The following KHDRBS2 variants were observed in gnomAD, a reference collection of about 807,000 sequenced individuals.
The protein encoded by KHDRBS2 is KH RNA binding domain containing, signal transduction associated 2.
In KHDRBS2, 26 loss-of-function variants were observed where a neutral mutation model predicts 44.3. The ratio of observed to expected loss-of-function variants is 0.59; its 90% CI spans 0.43 to 0.81. The LOEUF is 0.81. Ranked by LOEUF, KHDRBS2 falls within the 40% of genes least tolerant of loss-of-function variation. The pLI, the probability that KHDRBS2 is intolerant of heterozygous loss-of-function variation, is 0.00. For synonymous variants in KHDRBS2, 194 were observed against 151.1 expected (o/e 1.28, Z -2.08); for missense variants, 476 against 433.1 (o/e 1.10, Z -0.88).
At chr6:62,114,448 T>C (rs1478236784) in intron 2 of KHDRBS2, among the ~76,000 whole-genome samples, 1 of 152,120 alleles carries the variant, frequency 6.6e-6, no homozygotes, top group Non-Finnish European at 1.5e-5. Context: ...TTTCTGAGCC[T>C]ATATTTTTCT....
At chr6:62,140,964 A>G (rs1171105228) in intron 2 of KHDRBS2, among the ~76,000 whole-genome samples, 2 of 152,226 alleles carry the variant, frequency 1.3e-5, no homozygotes, top group Non-Finnish European at 2.9e-5. Flanking sequence ...TAAAAGTCAC[A>G]GTTTTGAAAG....
intron 4 of KHDRBS2, among the ~76,000 whole-genome samples, chr6:61,913,875 G>C (rs1806492123): frequency 6.6e-6 from 1 of 152,212 alleles, no homozygotes; most frequent in East Asian, 1.9e-4. Context: ...GAGGAACAGG[G>C]AGAATGCCAG....
intron 2 of KHDRBS2, among the ~76,000 whole-genome samples, chr6:62,052,105 T>C (rs1179670694): frequency 6.6e-6 from 1 of 151,976 alleles, no homozygotes; most frequent in Non-Finnish European, 1.5e-5. Flanking sequence ...AAAATAGAAC[T>C]ACTATATGAC....
intron 6 of KHDRBS2, among the ~76,000 whole-genome samples, chr6:61,812,016 A>G (rs1788203057): frequency 6.6e-6 from 1 of 152,080 alleles, no homozygotes; most frequent in Non-Finnish European, 1.5e-5. Context: ...AAGTTAATGA[A>G]GTTCATATCT....
chr6:62,097,484 A>G (rs780750958), intron 2 of KHDRBS2, among the ~76,000 whole-genome samples: 1 of 151,940 alleles, frequency 6.6e-6, no homozygotes, highest in East Asian at 1.9e-4. Context: ...TTGTAGAATG[A>G]CCTTGTCTCT....
chr6:61,969,531 C>T (rs1770867066), intron 4 of KHDRBS2, among the ~76,000 whole-genome samples: 1 of 151,954 alleles, frequency 6.6e-6, no homozygotes, highest in Non-Finnish European at 1.5e-5. Context: ...CTCATATACC[C>T]TTTATTTGTA....
At chr6:62,139,562 AT>A (rs61230859) in intron 2 of KHDRBS2, among the ~76,000 whole-genome samples, 91,539 of 130,772 alleles carry the variant, frequency 0.7, 30,930 homozygotes, top group African/African-American at 0.82. Context: ...CAAAAAAAAA[AT>A]AAAAAGAAAT....
At chr6:62,031,784 A>ACC (rs894713723) in intron 3 of KHDRBS2, among the ~76,000 whole-genome samples, 14 of 152,158 alleles carry the variant, frequency 9.2e-5, no homozygotes, top group Admixed American at 5.9e-4. Flanking sequence ...ATACTTCTGC[A>ACC]CCCACTTGGG....
At chr6:61,623,827 T>C in the KHDRBS2 span, among the ~76,000 whole-genome samples, 2 of 152,144 alleles carry the variant, frequency 1.3e-5, no homozygotes, top group East Asian at 1.9e-4. Context: ...GTTTGATATG[T>C]GGGAGTGAAC....
chr6:61,680,721 G>T lies in KHDRBS2; in HGVS notation c.*242C>A. On this transcript the variant is annotated 3_prime_UTR_variant, in exon 9 of 9. Coordinates refer to ENST00000281156, the MANE Select transcript of KHDRBS2 (RefSeq NM_152688.4). ...CCAAGAGAATATCATCCTACTGAAA[G>T]GTTTATAGACTATGCTTGCTAATGT... 3.2e-6 allele frequency: 1 copy of T among 317,228 alleles called. No homozygotes were observed. Among genetic ancestry groups the T allele is most frequent in the Non-Finnish European group, 5.7e-6 (1 of 174,444 alleles). 19.7% of individuals were successfully genotyped at this position (317,228 alleles called of 1,614,324 possible).
intron 4 of KHDRBS2, among the ~76,000 whole-genome samples, chr6:61,944,883 G>A (rs1279997236): frequency 6.6e-6 from 1 of 151,428 alleles, no homozygotes; most frequent in Admixed American, 6.6e-5. Flanking sequence ...CTGAGATCAG[G>A]AGCTCAAGAC....
At chr6:61,583,023 T>C in the KHDRBS2 span, among the ~76,000 whole-genome samples, 1 of 151,804 alleles carries the variant, frequency 6.6e-6, no homozygotes, top group South Asian at 2.1e-4. Context: ...TTGATCTATA[T>C]TCACTGATTG....
At chr6:61,697,961 CA>C (rs1768105290) in intron 7 of KHDRBS2, among the ~76,000 whole-genome samples, 1 of 152,100 alleles carries the variant, frequency 6.6e-6, no homozygotes. Flanking sequence ...CTGCCTCATC[CA>C]CATAATTCCT....
intron 6 of KHDRBS2, among the ~76,000 whole-genome samples, chr6:61,769,682 G>A (rs1780548555): frequency 6.6e-6 from 1 of 152,228 alleles, no homozygotes; most frequent in African/African-American, 2.4e-5. Flanking sequence ...AAACAAAGCG[G>A]CCAGGAAGCT....
chr6:61,726,950 A>G lies in KHDRBS2; in HGVS notation c.893+5732T>C, dbSNP rs554479294. Among the ~76,000 whole-genome samples, 175 of 152,318 alleles carry G rather than the reference A, an allele frequency of 1.1e-3. 1 individual carries two copies. The highest frequency in any genetic ancestry group is 6.8e-3 in the Middle Eastern group (2 of 294). Reference sequence around the variant, plus strand: ...TAAAATTCATATGGAACCAAAAAAGAGCCTGAATAGCCAAGAGAATCCTAA... The same window carrying G: ...TAAAATTCATATGGAACCAAAAAAGGGCCTGAATAGCCAAGAGAATCCTAA... On this transcript the variant is annotated intron_variant, in intron 7 of 8. Transcript: ENST00000281156.
chr6:62,057,504 C>A (rs987364958), intron 2 of KHDRBS2, among the ~76,000 whole-genome samples: 1 of 151,914 alleles, frequency 6.6e-6, no homozygotes, highest in African/African-American at 2.4e-5. Flanking sequence ...ACTCAGTTCC[C>A]CTTCAAACAA....
chr6:61,918,452 G>C (rs1469953976), intron 4 of KHDRBS2, among the ~76,000 whole-genome samples: 3 of 151,872 alleles, frequency 2.0e-5, no homozygotes, highest in Admixed American at 6.6e-5. Context: ...TTAGGAAGGG[G>C]ACCCTCATGA....
chr6:61,843,524 C>T (rs1156531022), intron 6 of KHDRBS2, among the ~76,000 whole-genome samples: 3 of 151,706 alleles, frequency 2.0e-5, no homozygotes, highest in Non-Finnish European at 4.4e-5. Context: ...ACCCCCACAC[C>T]TGGCTAATTT....
At chr6:61,899,733 G>GCCA (rs1554263630) in intron 5 of KHDRBS2, among the ~76,000 whole-genome samples, 1 of 123,150 alleles carries the variant, frequency 8.1e-6, no homozygotes, top group African/African-American at 2.9e-5. Flanking sequence ...TTGTTTTAAT[G>GCCA]CCCCCCCCCC....
Sources: allele counts gnomAD v4.1 joint callset (sites outside exome capture counted in the v4.1 genomes callset), GRCh38; gene constraint gnomAD v4.1.1; transcripts MANE v1.5; gene names NCBI Gene and HGNC (gene_info 2026-07-23, HGNC 2026-07-21).